The following WDR7 variants were observed in gnomAD, a reference collection of about 807,000 sequenced individuals.
WDR7 encodes WD repeat domain 7.
WDR7 carries 46 observed loss-of-function variants against 169.4 expected under a neutral mutation model. The observed-to-expected ratio is 0.27, with a 90% CI of 0.21 to 0.35. The LOEUF is 0.35. WDR7 is among the 10% of genes least tolerant of loss of function. The pLI is 1.00. For missense variants in WDR7, 1,534 were observed against 1,859.3 expected (o/e 0.83, Z 3.22); for synonymous variants, 612 against 666.8 (o/e 0.92, Z 1.27).
intron 26 of WDR7, among the ~76,000 whole-genome samples, chr18:56,990,520 A>AG (rs1487855020): frequency 2.6e-5 from 4 of 152,318 alleles, no homozygotes; most frequent in East Asian, 3.9e-4. Context: ...ACAATATGAG[A>AG]GGGGGAAAAA....
chr18:56,739,617 A>G (rs2043582671), intron 14 of WDR7, among the ~76,000 whole-genome samples: 1 of 152,054 alleles, frequency 6.6e-6, no homozygotes, highest in Non-Finnish European at 1.5e-5. Flanking sequence ...GTACAAGTTT[A>G]TTGGCATTGA....
intron 26 of WDR7, among the ~76,000 whole-genome samples, chr18:57,005,243 T>A (rs2048039299): frequency 6.6e-6 from 1 of 152,160 alleles, no homozygotes; most frequent in African/African-American, 2.4e-5. Flanking sequence ...TAAAAGCAAC[T>A]AAATGTATGT....
At chr18:56,862,603 C>T (rs915851710) in intron 20 of WDR7, among the ~76,000 whole-genome samples, 2 of 151,572 alleles carry the variant, frequency 1.3e-5, no homozygotes, top group African/African-American at 4.8e-5. Context: ...TAAAATAAAA[C>T]CCTGTCTTGA....
rs75261328 is a variant in WDR7, at chr18:56,688,269, A to G, written c.717+1295A>G. 2.8e-3 allele frequency among the ~76,000 whole-genome samples: 422 copies of G among 152,262 alleles called. 4 individuals are homozygous for G. In the East Asian group the frequency reaches 0.038, roughly 14 times the overall value. ...CTTAGAACACAAGGGGATGGGCCAT[A>G]TGGTGAAAGGAATGACTAGGGAAGC... On this transcript the variant is annotated intron_variant, in intron 7 of 27. Transcript: ENST00000254442.
chr18:56,981,164 T>G (rs965555947), intron 26 of WDR7, among the ~76,000 whole-genome samples: 3 of 152,188 alleles, frequency 2.0e-5, no homozygotes, highest in African/African-American at 7.2e-5. Context: ...TAAAATTGAC[T>G]GAACTTGTGA....
intron 27 of WDR7, among the ~76,000 whole-genome samples, chr18:57,026,480 G>A (rs535588657): frequency 6.6e-6 from 1 of 152,290 alleles, no homozygotes; most frequent in East Asian, 1.9e-4. Flanking sequence ...AAGAGTGAAG[G>A]TATTAGTAGG....
intron 26 of WDR7, among the ~76,000 whole-genome samples, chr18:56,986,128 T>TTGTGTGTG (rs60449836): frequency 3.6e-4 from 49 of 136,348 alleles, no homozygotes; most frequent in African/African-American, 1.2e-3. Context: ...TTCAGCTTCT[T>TTGTGTGTG]TGTGTGTGTG....
chr18:56,863,325 G>A (rs996755000), intron 20 of WDR7, among the ~76,000 whole-genome samples: 7 of 151,560 alleles, frequency 4.6e-5, no homozygotes, highest in African/African-American at 1.7e-4. Context: ...TCAAAATTTA[G>A]GAAATATGTT....
intron 1 of WDR7, among the ~76,000 whole-genome samples, chr18:56,669,311 AT>A (rs1467606719): frequency 1.3e-5 from 2 of 152,134 alleles, no homozygotes; most frequent in East Asian, 1.9e-4. Flanking sequence ...TAACTTAAAA[AT>A]GATTCAATAT....
chr18:56,886,093 C>A (rs2046188790), intron 21 of WDR7, among the ~76,000 whole-genome samples: 1 of 152,084 alleles, frequency 6.6e-6, no homozygotes. Flanking sequence ...TGCACCCTTG[C>A]TAGAGATCTA....
chr18:56,679,220 A>C (rs2025306812), intron 2 of WDR7, 112 bp from the exon 3 acceptor site: 1 of 798,064 alleles, frequency 1.3e-6, no homozygotes, highest in Non-Finnish European at 1.9e-6. Flanking sequence ...GCTAGAATAA[A>C]AAATCTTAGC....
intron 5 of WDR7, 115 bp downstream of exon 5, chr18:56,682,968 A>G: frequency 9.3e-7 from 1 of 1,080,658 alleles, no homozygotes; most frequent in East Asian, 2.5e-5. Context: ...TCTATGTAAG[A>G]AATAACTACA....
Position 56,784,019 on chromosome 18 carries a change from T to C in WDR7, c.3190+2363T>C, listed in dbSNP as rs993601943. ...AATACCTACCATTAATTGGACACTT[T>C]GTCTGCGTCAGGCTTTGCTAAGTAT... On this transcript the variant is annotated intron_variant, in intron 19 of 27. Coordinates refer to ENST00000254442, the MANE Select transcript of WDR7 (RefSeq NM_015285.3). Among the ~76,000 whole-genome samples the C allele has an allele frequency of 2.6e-5, 4 of 152,326 alleles. No individual in the cohort carries two copies. The East Asian group carries it at 7.7e-4, about 29-fold the overall frequency.
At chr18:56,750,047 G>T (rs1418573846) in intron 14 of WDR7, among the ~76,000 whole-genome samples, 2 of 151,766 alleles carry the variant, frequency 1.3e-5, no homozygotes, top group African/African-American at 4.8e-5. Flanking sequence ...GTGTTTATGT[G>T]CCAAAAAATA....
chr18:56,959,945 G>A (rs1411652120), intron 25 of WDR7, among the ~76,000 whole-genome samples: 1 of 152,160 alleles, frequency 6.6e-6, no homozygotes, highest in East Asian at 1.9e-4. Flanking sequence ...GTTCACTGCA[G>A]CTGGTTCCCA....
intron 25 of WDR7, among the ~76,000 whole-genome samples, chr18:56,952,528 T>C (rs2047196915): frequency 6.6e-6 from 1 of 152,218 alleles, no homozygotes; most frequent in Admixed American, 6.5e-5. Context: ...AAATAATTAC[T>C]CTCAAACGTA....
intron 16 of WDR7, among the ~76,000 whole-genome samples, chr18:56,763,872 A>T (rs927292750): frequency 2.0e-5 from 3 of 152,186 alleles, no homozygotes; most frequent in Non-Finnish European, 4.4e-5. Context: ...TTTTGCTTTT[A>T]CTATCATATT....
At chr18:56,804,356 T>G (rs945559876) in intron 19 of WDR7, among the ~76,000 whole-genome samples, 1 of 152,210 alleles carries the variant, frequency 6.6e-6, no homozygotes, top group African/African-American at 2.4e-5. Flanking sequence ...GAATCATAAT[T>G]CAAAAGATCA....
At chr18:56,677,026 A>G (rs2025259480) in intron 2 of WDR7, among the ~76,000 whole-genome samples, 1 of 152,198 alleles carries the variant, frequency 6.6e-6, no homozygotes, top group Non-Finnish European at 1.5e-5. Context: ...AGTAGTTTAC[A>G]CAACATAGTT....
Sources: allele counts gnomAD v4.1 joint callset (sites outside exome capture counted in the v4.1 genomes callset), GRCh38; gene constraint gnomAD v4.1.1; transcripts MANE v1.5; gene names NCBI Gene and HGNC (gene_info 2026-07-23, HGNC 2026-07-21).